NLRC3: variants seen among roughly 807,000 people sequenced by gnomAD.
The protein encoded by NLRC3 is NLR family CARD domain containing 3.
Under a neutral mutation model 91.6 loss-of-function variants are expected in NLRC3, and 87 were observed. The observed-to-expected ratio is 0.95, with a 90% CI of 0.80 to 1.14. NLRC3 has a LOEUF of 1.14. NLRC3 is among the 50% of genes most tolerant of loss of function. The pLI is 0.00. For missense variants in NLRC3, 1,577 were observed against 1,418.6 expected (o/e 1.11, Z -1.79); for synonymous variants, 694 against 625.3 (o/e 1.11, Z -1.64).
chr16:3,557,296 T>G (rs116118990), intron 7 of NLRC3, among the ~76,000 whole-genome samples: 4,878 of 152,292 alleles, frequency 0.032, 252 homozygotes, highest in African/African-American at 0.11. Context: ...TCCCTGGCTG[T>G]AGCCCGGCAA....
chr16:3,574,431 G>T (rs1289652719), intron 1 of NLRC3, among the ~76,000 whole-genome samples: 1 of 152,154 alleles, frequency 6.6e-6, no homozygotes. Context: ...GGACCCGAGC[G>T]GGGCTGGGAG....
At chr16:3,562,110 C>T (rs74005835) in intron 5 of NLRC3, among the ~76,000 whole-genome samples, 179 of 152,280 alleles carry the variant, frequency 1.2e-3, no homozygotes, top group African/African-American at 4.2e-3. Context: ...TCCAGAGTGG[C>T]GGGCAGGGGA....
rs982542122 is a variant in NLRC3 at position 3,564,980 on chromosome 16, G to A, written c.57C>T (p.Gly19=). The change falls in exon 4 of 20, where the codon GGC becomes GGT. Residue 19 remains glycine (G), a synonymous_variant. Transcript: ENST00000359128. The surrounding 1 kb of genome is among the most constrained non-coding windows in gnomAD (Gnocchi z 5.9). ...GREAGQGHGT[G]SPAEQVKALM... The stretch of plus-strand genomic sequence containing the variant: ...GGGCTTTCACCTGCTCGGCTGGGGA[G>A]CCCGTACCGTGGCCCTGGCCGGCCT... 1.9e-6 allele frequency: 3 copies of A among 1,610,422 alleles called. No homozygotes were observed. In the Admixed American group the frequency reaches 5.0e-5, roughly 27 times the overall value.
intron 10 of NLRC3, 98 bp downstream of exon 10, chr16:3,552,094 CATCA>C (rs2039046604): frequency 1.3e-6 from 1 of 748,894 alleles, no homozygotes; most frequent in Non-Finnish European, 2.4e-6. Context: ...TTCACCTATC[CATCA>C]ATCCATCCAT....
chr16:3,562,320 A>G (rs1182510239), intron 5 of NLRC3, among the ~76,000 whole-genome samples: 1 of 152,132 alleles, frequency 6.6e-6, no homozygotes, highest in Non-Finnish European at 1.5e-5. Context: ...TGAGCCTGTA[A>G]TCCAGTGTGA....
At chr16:3,566,387 T>C (rs2151102940) in intron 2 of NLRC3, among the ~76,000 whole-genome samples, 1 of 152,188 alleles carries the variant, frequency 6.6e-6, no homozygotes, top group Non-Finnish European at 1.5e-5. Context: ...GGTCAGGAAT[T>C]TGAGACCAGC....
At chr16:3,550,167 AG>A (rs2038918912) in intron 11 of NLRC3, among the ~76,000 whole-genome samples, 1 of 152,098 alleles carries the variant, frequency 6.6e-6, no homozygotes, top group Admixed American at 6.5e-5. Flanking sequence ...CTCCCTCTCC[AG>A]CCACCCATGC....
chr16:3,565,165 C>G (rs2151101819), intron 3 of NLRC3, 105 bp from the exon 4 acceptor site: 1 of 862,530 alleles, frequency 1.2e-6, no homozygotes, highest in East Asian at 2.6e-5. Flanking sequence ...CCCTCTTCCT[C>G]TTTCCTCAGC....
intron 1 of NLRC3, among the ~76,000 whole-genome samples, chr16:3,575,985 C>T (rs990439170): frequency 1.3e-4 from 20 of 152,160 alleles, no homozygotes; most frequent in African/African-American, 4.6e-4. Context: ...AAAGCCTTCC[C>T]GAAGGAAGAA....
intron 7 of NLRC3, among the ~76,000 whole-genome samples, 195 bp from the exon 8 acceptor site, chr16:3,557,189 T>G (rs554515092): frequency 1.3e-5 from 2 of 152,200 alleles, no homozygotes; most frequent in Admixed American, 1.3e-4. Flanking sequence ...GTCTCAGGTG[T>G]TGGGGGAAAG....
Position 3,564,695 on chromosome 16 carries a change from C to A in NLRC3, c.242G>T (p.Gly81Val), listed in dbSNP as rs772560125. The A allele has an allele frequency of 1.3e-6, 2 of 1,599,906 alleles. No homozygotes were observed. The highest frequency in any genetic ancestry group is 8.5e-7 in the Non-Finnish European group (1 of 1,178,384). Residue 81 changes from glycine to valine, a missense_variant, in exon 5 of 20, where the codon GGC becomes GTC. By Grantham distance (109) the Gly-to-Val change is moderately radical. Coordinates refer to ENST00000359128, the MANE Select transcript of NLRC3 (RefSeq NM_178844.4). This position sits in a 1 kb window ranked among gnomAD's most constrained non-coding sequence, Gnocchi z 5.9. ...GGAGGCCAGCCTGTGCCAGGGTCCGCCCAGCTCCGGGCCACCTCCCACCTT... is the reference window on the plus strand; with the variant it reads ...GGAGGCCAGCCTGTGCCAGGGTCCGACCAGCTCCGGGCCACCTCCCACCTT... ...LSKVGGGPELGGPWHRLASLL... is the reference protein window; with the variant it reads ...LSKVGGGPELVGPWHRLASLL...
chr16:3,544,812 C>T (rs1330633441), intron 15 of NLRC3: 2 of 163,252 alleles, frequency 1.2e-5, no homozygotes, highest in East Asian at 1.8e-4. Context: ...GACTAAAGTA[C>T]TTAACTAGAG....
chr16:3,542,267 C>G lies in NLRC3; in HGVS notation c.3031G>C (p.Glu1011Gln). The G allele has an allele frequency of 6.3e-7, 1 of 1,584,804 alleles. No individual in the cohort carries two copies. Among genetic ancestry groups the G allele is most frequent in the Non-Finnish European group, 8.6e-7 (1 of 1,163,236 alleles). ...GCCCCGTCCATCCCCAGAGAATTCT[C>G]TTGAAGACTAAGTGGAAAAGAGATG... ...NSSLRRLNLQ[E>Q]NSLGMDGAIC... is the part of the protein sequence containing the mutation. Residue 1011 changes from glutamate to glutamine, a missense_variant, in exon 19 of 20, where the codon GAG (glutamate) becomes CAG (glutamine). By Grantham distance (29) the Glu-to-Gln change is conservative (BLOSUM62 2). Coordinates refer to ENST00000359128, the MANE Select transcript of NLRC3 (RefSeq NM_178844.4).
At chr16:3,549,608 C>G (rs2038888748) in intron 12 of NLRC3, 89 bp downstream of exon 12, 1 of 1,021,380 alleles carries the variant, frequency 9.8e-7, no homozygotes. Flanking sequence ...CCATAGATTT[C>G]CCTGAGACAG....
chr16:3,564,625 G>A lies in NLRC3; in HGVS notation c.312C>T (p.His104=), dbSNP rs149703563. ...GGGTGGCCTCCACCTGTGTGAAGTC[G>A]TGTTCCCTCAGCTGCAGGTCCGTCA... The part of the protein sequence containing the change: ...EGLTDLQLRE[H]DFTQVEATRG... The change falls in exon 5 of 20, where the codon CAC becomes CAT. Residue 104 remains histidine, a synonymous_variant. Coordinates refer to ENST00000359128, the MANE Select transcript of NLRC3 (RefSeq NM_178844.4). The surrounding 1 kb of genome is among the most constrained non-coding windows in gnomAD (Gnocchi z 5.9). 61 of 1,609,194 alleles carry A rather than the reference G, an allele frequency of 3.8e-5. No homozygotes were observed. In the East Asian group the frequency reaches 1.1e-3, roughly 30 times the overall value.
At chr16:3,570,005 A>G (rs1406559277) in intron 1 of NLRC3, among the ~76,000 whole-genome samples, 4 of 152,144 alleles carry the variant, frequency 2.6e-5, no homozygotes, top group African/African-American at 9.7e-5. Flanking sequence ...TCTCAATACC[A>G]TTATTTCTCC....
At chr16:3,554,472 G>A in intron 8 of NLRC3, 147 bp from the exon 9 acceptor site, 1 of 611,314 alleles carries the variant, frequency 1.6e-6, no homozygotes, top group Non-Finnish European at 3.0e-6. Context: ...GGAGAGCAGT[G>A]GACCCTTTGC....
Position 3,541,746 on chromosome 16 carries a change from A to G in NLRC3, c.*79T>C. On this transcript the variant is annotated 3_prime_UTR_variant, in exon 20 of 20. Transcript: ENST00000359128. ...CAAGCAGCGTTCCCAGCTCCCAGAC[A>G]GGCCCCCCAGAAGTCGGCCTTTCTG... 2.2e-6 allele frequency: 2 copies of G among 919,382 alleles called. No individual in the cohort carries two copies. The highest frequency in any genetic ancestry group is 2.6e-5 in the East Asian group (1 of 38,660). 57.0% of individuals were successfully genotyped at this position (919,382 alleles called of 1,614,324 possible).
chr16:3,564,925 G>C lies in NLRC3; in HGVS notation c.112C>G (p.Gln38Glu), dbSNP rs1471233045. The change falls in exon 4 of 20, where the codon CAA becomes GAA. Residue 38 changes from glutamine (Q) to glutamate (E), a missense_variant. Gln to Glu is a conservative substitution (Grantham distance 29). Coordinates refer to ENST00000359128, the MANE Select transcript of NLRC3 (RefSeq NM_178844.4). The surrounding 1 kb of genome is among the most constrained non-coding windows in gnomAD (Gnocchi z 5.9). ...LMDLLAGKGS[Q>E]GSQAPQALDR... ...AGGGCCTGCGGGGCCTGGGAGCCTT[G>C]ACTGCCCTTCCCAGCCAGCAGATCC... is the stretch of plus-strand genomic sequence containing the variant. 2 of 1,610,456 alleles carry C rather than the reference G, an allele frequency of 1.2e-6. No homozygotes were observed. Among genetic ancestry groups the C allele is most frequent in the Non-Finnish European group, 1.7e-6 (2 of 1,179,680 alleles).
Sources: gnomAD v4.1 joint callset for allele counts (sites outside exome capture counted in the v4.1 genomes callset) on GRCh38, gnomAD v4.1.1 for gene constraint, Gnocchi (gnomAD v3.1) non-coding constraint, MANE v1.5 for transcripts, NCBI Gene and HGNC (gene_info 2026-07-23, HGNC 2026-07-21) for gene names.